POU2F1: variants seen among roughly 807,000 people sequenced by gnomAD.
POU2F1 encodes POU domain, class 2, transcription factor 1.
A neutral mutation model predicts 84.9 loss-of-function variants in POU2F1; 16 were observed. The ratio of observed to expected loss-of-function variants is 0.19; its 90% confidence interval spans 0.13 to 0.29. The LOEUF (loss-of-function observed/expected upper bound fraction) is 0.29. POU2F1 is among the 10% of genes least tolerant of loss of function. The probability of loss-of-function intolerance (pLI) is 1.00; values close to 1 mark genes in which losing one functional copy is unlikely to be tolerated. For synonymous variants in POU2F1, 368 were observed against 368.3 expected (o/e 1.00, Z 0.01); for missense variants, 738 against 942.6 (o/e 0.78, Z 2.84).
intron 1 of POU2F1, among the ~76,000 whole-genome samples, chr1:167,275,099 G>A (rs1035120219): frequency 8.2e-5 from 12 of 145,864 alleles, no homozygotes; most frequent in Non-Finnish European, 1.6e-4. Context: ...CACAGCTCAC[G>A]GCACCTTTGA....
chr1:167,281,713 A>G (rs1331840414), intron 1 of POU2F1, among the ~76,000 whole-genome samples: 1 of 152,190 alleles, frequency 6.6e-6, no homozygotes, highest in Non-Finnish European at 1.5e-5. Flanking sequence ...GTTATAGTTC[A>G]CCATGTACAG....
rs953146727 is a variant in POU2F1 at position 167,415,420 on chromosome 1, CT to C, written c.1991-76del. The stretch of plus-strand genomic sequence containing the variant: ...TGGTGGGTTGTAGGAAAATGATAGA[CT>C]TTTGATGTGTTATTTGGCTTCTCCA... On this transcript the variant is annotated intron_variant, in intron 15 of 15. Transcript: ENST00000367866. 4.8e-6 allele frequency: 7 copies of C among 1,459,078 alleles called. No individual in the cohort carries two copies. In the Admixed American group the frequency reaches 1.2e-4, roughly 24 times the overall value. 90.4% of individuals were successfully genotyped at this position (1,459,078 alleles called of 1,614,324 possible).
At chr1:167,261,516 G>A (rs1651567303) in intron 1 of POU2F1, among the ~76,000 whole-genome samples, 2 of 152,076 alleles carry the variant, frequency 1.3e-5, no homozygotes, top group South Asian at 2.1e-4. Context: ...CAGTCTAGGG[G>A]AACACATTGT....
intron 1 of POU2F1, among the ~76,000 whole-genome samples, chr1:167,229,794 G>A (rs922437655): frequency 6.6e-6 from 1 of 152,124 alleles, no homozygotes; most frequent in Non-Finnish European, 1.5e-5. Context: ...TCATTTTTTG[G>A]TGCAGCCAGC....
intron 1 of POU2F1, among the ~76,000 whole-genome samples, chr1:167,247,606 G>GTT (rs201088385): frequency 1.2e-4 from 18 of 151,232 alleles, no homozygotes; most frequent in African/African-American, 4.1e-4. Flanking sequence ...CCTGTTTATA[G>GTT]TTTTTTTTTA....
At chr1:167,411,389 A>G (rs1649955498) in intron 13 of POU2F1, among the ~76,000 whole-genome samples, 1 of 150,934 alleles carries the variant, frequency 6.6e-6, no homozygotes, top group African/African-American at 2.5e-5. Context: ...TGAGATTCAT[A>G]GTATCATTGT....
At chr1:167,271,725 C>T (rs1427515578) in intron 1 of POU2F1, among the ~76,000 whole-genome samples, 1 of 152,084 alleles carries the variant, frequency 6.6e-6, no homozygotes. Flanking sequence ...AGTGAACCAT[C>T]AAGAAAGAGA....
chr1:167,308,761 C>T (rs1028922680), intron 1 of POU2F1, among the ~76,000 whole-genome samples: 2 of 152,082 alleles, frequency 1.3e-5, no homozygotes, highest in African/African-American at 2.4e-5. Flanking sequence ...TCAAGTGATC[C>T]ATCTGCCTAG....
At chr1:167,358,534 A>G (rs972959627) in intron 2 of POU2F1, among the ~76,000 whole-genome samples, 1 of 151,786 alleles carries the variant, frequency 6.6e-6, no homozygotes, top group African/African-American at 2.4e-5. Flanking sequence ...TTCTCTTGGG[A>G]AGATTTTTAC....
intron 2 of POU2F1, among the ~76,000 whole-genome samples, chr1:167,351,519 C>CAAAAAAAAAAAAAAAAAAAAAAAA (rs34170498): frequency 2.2e-5 from 1 of 45,992 alleles, no homozygotes; most frequent in Non-Finnish European, 4.3e-5. Context: ...AGCACCATCT[C>CAAAAAAAAAAAAAAAAAAAAAAAA]AAAAAAAAAA....
chr1:167,346,335 ATACACATACTATTAT>A (rs1441071518), intron 2 of POU2F1, among the ~76,000 whole-genome samples: 2 of 152,230 alleles, frequency 1.3e-5, no homozygotes, highest in Non-Finnish European at 2.9e-5. Context: ...AATTTTAAAA[ATACACATACTATTAT>A]TACTTAGGAA....
chr1:167,307,336 C>G (rs1379839820), intron 1 of POU2F1, among the ~76,000 whole-genome samples: 1 of 151,934 alleles, frequency 6.6e-6, no homozygotes, highest in Non-Finnish European at 1.5e-5. Context: ...TAAATTGTTG[C>G]AAGAGCAATC....
At position 167,374,088 on chromosome 1, in the gene POU2F1, T is replaced by C; in HGVS notation, c.403-20T>C. 9.9e-6 allele frequency: 16 copies of C among 1,612,192 alleles called. No homozygotes were observed. The highest frequency in any genetic ancestry group is 1.4e-5 in the Non-Finnish European group (16 of 1,178,426). ...TTTCTCCTTCAACACTTTCCCATAA[T>C]GTGTTCTGGTTTTGTTTAGCTTACT... On this transcript the variant is annotated intron_variant, in intron 5 of 15. Coordinates refer to ENST00000367866, the MANE Select transcript of POU2F1 (RefSeq NM_002697.4).
Position 167,388,801 on chromosome 1 carries a change from A to G in POU2F1, c.814-787A>G, listed in dbSNP as rs145561717. ...GGTTAATTTGGGGTTTTCATCTTCTATAGATTCTTGCTCGATTAACTGGTG... is the reference window on the plus strand; with the variant it reads ...GGTTAATTTGGGGTTTTCATCTTCTGTAGATTCTTGCTCGATTAACTGGTG... On this transcript the variant is annotated intron_variant, in intron 8 of 15. Coordinates refer to ENST00000367866, the MANE Select transcript of POU2F1 (RefSeq NM_002697.4). Among the ~76,000 whole-genome samples the G allele has an allele frequency of 2.5e-3, 377 of 152,334 alleles. 1 individual carries two copies. Among genetic ancestry groups the G allele is most frequent in the African/African-American group, 8.6e-3 (357 of 41,580 alleles).
At chr1:167,289,982 A>G (rs1368009024) in intron 1 of POU2F1, among the ~76,000 whole-genome samples, 1 of 152,266 alleles carries the variant, frequency 6.6e-6, no homozygotes, top group Non-Finnish European at 1.5e-5. Flanking sequence ...AGCAGTATCC[A>G]AAACTGCAAA....
intron 2 of POU2F1, among the ~76,000 whole-genome samples, chr1:167,345,664 A>G (rs1023727297): frequency 7.2e-5 from 11 of 152,226 alleles, no homozygotes; most frequent in African/African-American, 2.7e-4. Flanking sequence ...GTTGAGAGGC[A>G]GAACAGAGAT....
At chr1:167,365,138 G>A (rs1028622721) in intron 2 of POU2F1, among the ~76,000 whole-genome samples, 23 of 152,182 alleles carry the variant, frequency 1.5e-4, no homozygotes, top group Non-Finnish European at 7.3e-5. Flanking sequence ...AGAGCCTCAG[G>A]GTGTCTTTGA....
chr1:167,353,897 A>G (rs1354920488), intron 2 of POU2F1, among the ~76,000 whole-genome samples: 3 of 152,202 alleles, frequency 2.0e-5, no homozygotes, highest in Non-Finnish European at 4.4e-5. Flanking sequence ...AAAAATAACC[A>G]CTATCCCGAA....
Position 167,416,449 on chromosome 1 carries a change from A to G in POU2F1, c.*639A>G, listed in dbSNP as rs567558559. The G allele has an allele frequency of 6.1e-6, 1 of 164,870 alleles. No homozygotes were observed. The highest frequency in any genetic ancestry group is 6.1e-5 in the Admixed American group (1 of 16,304). 10.2% of individuals were successfully genotyped at this position (164,870 alleles called of 1,614,324 possible). ...CATGTTTATTATCTCTTGCTCCTGG[A>G]TCCTATTTCAGTGAGCTCCCACACT... is the stretch of plus-strand genomic sequence containing the variant. On this transcript the variant is annotated 3_prime_UTR_variant, in exon 16 of 16. Transcript: ENST00000367866.
Sources: gnomAD v4.1 joint callset for allele counts (sites outside exome capture counted in the v4.1 genomes callset) on GRCh38, gnomAD v4.1.1 for gene constraint, MANE v1.5 for transcripts, NCBI Gene and HGNC (gene_info 2026-07-23, HGNC 2026-07-21) for gene names.